The following TGFBRAP1 variants were observed in gnomAD, a reference collection of about 807,000 sequenced individuals.
TGFBRAP1 encodes transforming growth factor beta receptor associated protein 1.
TGFBRAP1 carries 20 observed loss-of-function variants against 83.2 expected under a neutral mutation model. That is an observed-to-expected ratio of 0.24 (90% CI 0.17 to 0.35). TGFBRAP1 has a LOEUF of 0.35. Among genes scored for constraint, TGFBRAP1 ranks in the 10% least tolerant of loss-of-function variants. The pLI, the probability that TGFBRAP1 is intolerant of heterozygous loss-of-function variation, is 1.00. For missense variants in TGFBRAP1, 950 were observed against 1,099.4 expected (o/e 0.86, Z 1.92); for synonymous variants, 415 against 459.8 (o/e 0.90, Z 1.25).
intron 1 of TGFBRAP1, among the ~76,000 whole-genome samples, chr2:105,312,302 T>TA (rs1416975007): frequency 2.0e-5 from 3 of 151,820 alleles, no homozygotes; most frequent in South Asian, 2.1e-4. Context: ...TCTCTATTTT[T>TA]AAAAAAAATA....
chr2:105,309,250 G>A (rs1389961626), intron 1 of TGFBRAP1, among the ~76,000 whole-genome samples: 1 of 152,354 alleles, frequency 6.6e-6, no homozygotes, highest in South Asian at 2.1e-4. Context: ...CCTGTGAGCG[G>A]GAGCAGGGCA....
chr2:105,312,726 T>C (rs1307526312), intron 1 of TGFBRAP1, among the ~76,000 whole-genome samples: 1 of 152,264 alleles, frequency 6.6e-6, no homozygotes, highest in Admixed American at 6.5e-5. Context: ...TCAGCATCTT[T>C]AAAGATGCTA....
chr2:105,253,104 G>A, the TGFBRAP1 span, among the ~76,000 whole-genome samples: 2 of 151,878 alleles, frequency 1.3e-5, no homozygotes, highest in Non-Finnish European at 1.5e-5. Flanking sequence ...GTACAAGAAT[G>A]ACATATATGA....
chr2:105,253,520 C>A, the TGFBRAP1 span, among the ~76,000 whole-genome samples: 1 of 152,186 alleles, frequency 6.6e-6, no homozygotes, highest in African/African-American at 2.4e-5. Flanking sequence ...CAGCCTTAAA[C>A]TCCTGGGCTC....
chr2:105,295,679 C>T (rs559270632), intron 4 of TGFBRAP1, among the ~76,000 whole-genome samples: 677 of 151,822 alleles, frequency 4.5e-3, no homozygotes, highest in Non-Finnish European at 7.4e-3. Context: ...GGTGTGGTGG[C>T]GGGCGCCTGT....
chr2:105,309,902 C>A (rs1308972546), intron 1 of TGFBRAP1, among the ~76,000 whole-genome samples: 6 of 152,096 alleles, frequency 3.9e-5, no homozygotes. Context: ...ATTAAAGAGG[C>A]CCCAGAGAGC....
chr2:105,322,350 T>G (rs2104420393), intron 1 of TGFBRAP1, among the ~76,000 whole-genome samples: 1 of 152,288 alleles, frequency 6.6e-6, no homozygotes, highest in South Asian at 2.1e-4. Context: ...AGAGAAGTAT[T>G]TTTAGAATAA....
chr2:105,321,370 G>T (rs1189460332), intron 1 of TGFBRAP1, among the ~76,000 whole-genome samples: 1 of 152,036 alleles, frequency 6.6e-6, no homozygotes, highest in Non-Finnish European at 1.5e-5. Context: ...GTTTCACTGT[G>T]TTGGCCAGGC....
intron 4 of TGFBRAP1, 135 bp from the exon 5 acceptor site, chr2:105,284,533 C>A: frequency 1.4e-6 from 1 of 739,024 alleles, no homozygotes; most frequent in Admixed American, 2.5e-5. Context: ...AAACAAGGTG[C>A]ATATGAAATT....
At chr2:105,305,224 A>G (rs1237551597) in intron 2 of TGFBRAP1, among the ~76,000 whole-genome samples, 2 of 152,218 alleles carry the variant, frequency 1.3e-5, no homozygotes, top group Non-Finnish European at 2.9e-5. Flanking sequence ...AAAAGTGAAA[A>G]ACAAGAGATA....
chr2:105,286,158 A>G (rs1677713831), intron 4 of TGFBRAP1, among the ~76,000 whole-genome samples: 1 of 152,226 alleles, frequency 6.6e-6, no homozygotes, highest in Non-Finnish European at 1.5e-5. Context: ...GACATTCCAA[A>G]TCTCCAAGAA....
Position 105,307,621 on chromosome 2 carries a change from T to C in TGFBRAP1, c.681A>G (p.Gly227=), listed in dbSNP as rs1573206853. The change falls in exon 2 of 12, where the codon GGA becomes GGG. Residue 227 remains glycine (G), a synonymous_variant. Coordinates refer to ENST00000393359, the MANE Select transcript of TGFBRAP1 (RefSeq NM_004257.6). ...CAAATGCATCCTCCTCACCCAGCCC[T>C]CCGGGGCCCGCCAGCAGGAACTCCT... is the stretch of plus-strand genomic sequence containing the variant. The part of the protein sequence containing the change: ...GRQEFLLAGP[G]GLGMFATVAG... The C allele has an allele frequency of 6.2e-7, 1 of 1,609,668 alleles. No homozygotes were observed. Among genetic ancestry groups the C allele is most frequent in the Non-Finnish European group, 8.5e-7 (1 of 1,178,108 alleles).
intron 7 of TGFBRAP1, among the ~76,000 whole-genome samples, chr2:105,277,344 CTG>C (rs939704178): frequency 8.1e-4 from 123 of 151,796 alleles, no homozygotes; most frequent in African/African-American, 2.8e-3. Flanking sequence ...ACTTGGAACT[CTG>C]TGAGATCATA....
chr2:105,322,226 A>T (rs1289417609), intron 1 of TGFBRAP1, among the ~76,000 whole-genome samples: 2 of 151,108 alleles, frequency 1.3e-5, no homozygotes, highest in Non-Finnish European at 3.0e-5. Flanking sequence ...TATAAAGAAA[A>T]TATTTTTGTA....
At chr2:105,316,472 C>T (rs750302613) in intron 1 of TGFBRAP1, among the ~76,000 whole-genome samples, 1,214 of 77,694 alleles carry the variant, frequency 0.016, 22 homozygotes, top group Admixed American at 0.07. Context: ...TGCGCGCGCG[C>T]GCGCGCGCAC....
chr2:105,315,172 T>A (rs1678816517), intron 1 of TGFBRAP1, among the ~76,000 whole-genome samples: 2 of 152,114 alleles, frequency 1.3e-5, no homozygotes. Context: ...GAAAGAATTA[T>A]CTAACAGATA....
chr2:105,312,711 C>T (rs1187959595), intron 1 of TGFBRAP1, among the ~76,000 whole-genome samples: 1 of 152,218 alleles, frequency 6.6e-6, no homozygotes, highest in Non-Finnish European at 1.5e-5. Flanking sequence ...TAGTCAGAAT[C>T]TTAGTCAGCA....
At chr2:105,296,127 C>G (rs749824635) in intron 4 of TGFBRAP1, among the ~76,000 whole-genome samples, 1 of 152,162 alleles carries the variant, frequency 6.6e-6, no homozygotes, top group Non-Finnish European at 1.5e-5. Context: ...AAGTTAGAAG[C>G]CTGACTTCTC....
the TGFBRAP1 span, among the ~76,000 whole-genome samples, chr2:105,253,289 C>A: frequency 6.6e-6 from 1 of 152,030 alleles, no homozygotes; most frequent in East Asian, 1.9e-4. Context: ...TGTGCCATGA[C>A]ACCTGGCTAA....
Sources: allele counts gnomAD v4.1 joint callset (sites outside exome capture counted in the v4.1 genomes callset), GRCh38; gene constraint gnomAD v4.1.1; transcripts MANE v1.5; gene names NCBI Gene and HGNC (gene_info 2026-07-23, HGNC 2026-07-21).